Variants in APBA1 observed in about 807,000 individuals in gnomAD.
The protein encoded by APBA1 is amyloid beta precursor protein binding family A member 1.
In APBA1, 55 loss-of-function variants were observed where a neutral mutation model predicts 86.6. The observed-to-expected ratio is 0.64, with a 90% CI of 0.51 to 0.80. The LOEUF (loss-of-function observed/expected upper bound fraction) is 0.80. Ranked by LOEUF, APBA1 falls within the 30% of genes least tolerant of loss-of-function variation. The pLI, the probability that APBA1 is intolerant of heterozygous loss-of-function variation, is 0.00. For missense variants in APBA1, 1,090 were observed against 1,183.0 expected (o/e 0.92, Z 1.15); for synonymous variants, 511 against 493.9 (o/e 1.03, Z -0.46).
At chr9:69,582,681 T>G (rs1821936093) in intron 1 of APBA1, among the ~76,000 whole-genome samples, 1 of 152,182 alleles carries the variant, frequency 6.6e-6, no homozygotes, top group Admixed American at 6.5e-5. Flanking sequence ...GTTCCCATTT[T>G]GGTCCCACTT....
chr9:69,586,027 C>G (rs1213576848), intron 1 of APBA1, among the ~76,000 whole-genome samples: 1 of 152,142 alleles, frequency 6.6e-6, no homozygotes, highest in Non-Finnish European at 1.5e-5. Flanking sequence ...TTGCAATGAC[C>G]AATTGTCTGG....
At chr9:69,533,072 A>G (rs1272896479) in intron 1 of APBA1, among the ~76,000 whole-genome samples, 1 of 152,234 alleles carries the variant, frequency 6.6e-6, no homozygotes, top group African/African-American at 2.4e-5. Context: ...ATAGAATCCT[A>G]TGATACACAA....
At chr9:69,482,374 G>A (rs1419362740) in intron 2 of APBA1, among the ~76,000 whole-genome samples, 1 of 151,672 alleles carries the variant, frequency 6.6e-6, no homozygotes, top group Non-Finnish European at 1.5e-5. Context: ...ATGAAAAAAT[G>A]CTCATCATCA....
intron 1 of APBA1, among the ~76,000 whole-genome samples, chr9:69,643,795 G>A (rs192589888): frequency 2.0e-5 from 3 of 152,304 alleles, no homozygotes; most frequent in East Asian, 1.9e-4. Context: ...ATGGAGCAGA[G>A]AAGAAATGAT....
At chr9:69,434,100 C>T (rs1025743610) in intron 11 of APBA1, among the ~76,000 whole-genome samples, 1 of 152,208 alleles carries the variant, frequency 6.6e-6, no homozygotes, top group African/African-American at 2.4e-5. Context: ...CACTCAAATA[C>T]CAAACTGTTC....
intron 1 of APBA1, among the ~76,000 whole-genome samples, chr9:69,560,092 G>C (rs932777866): frequency 1.3e-5 from 2 of 152,154 alleles, no homozygotes; most frequent in African/African-American, 4.8e-5. Context: ...CCCAGGTTTA[G>C]TCACATCAAC....
In APBA1 at chr9:69,654,100, G is replaced by A. The variant is rs1349393546; in HGVS notation, c.-70+18053C>T. On this transcript the variant is annotated intron_variant, in intron 1 of 12. Transcript: ENST00000265381. Reference sequence around the variant, plus strand: ...GCACTCCAGCCTCGGCAACGAGAGCGAAACTCCATCTCAAAAAAAAAAAAA... The same window carrying A: ...GCACTCCAGCCTCGGCAACGAGAGCAAAACTCCATCTCAAAAAAAAAAAAA... 1.6e-4 allele frequency among the ~76,000 whole-genome samples: 17 copies of A among 105,246 alleles called. No homozygotes were observed. The Admixed American group carries it at 2.1e-3, about 13-fold the overall frequency. The allele number at this position is 105,246 out of a possible 152,430, so 69.0% of individuals were successfully genotyped here.
intron 1 of APBA1, among the ~76,000 whole-genome samples, chr9:69,598,925 A>G (rs114336705): frequency 0.027 from 4,074 of 152,308 alleles, 84 homozygotes; most frequent in African/African-American, 0.05. Flanking sequence ...ACTGCATTTT[A>G]TAACTGTCTC....
At chr9:69,471,280 C>A (rs1349727941) in intron 4 of APBA1, among the ~76,000 whole-genome samples, 1 of 152,146 alleles carries the variant, frequency 6.6e-6, no homozygotes, top group Non-Finnish European at 1.5e-5. Context: ...ACCAAAATTT[C>A]TGCCTTAGTT....
intron 1 of APBA1, among the ~76,000 whole-genome samples, chr9:69,579,987 T>A (rs1821883618): frequency 6.6e-6 from 1 of 152,156 alleles, no homozygotes; most frequent in Non-Finnish European, 1.5e-5. Context: ...ATTTTCCTAC[T>A]TCCTTAAAAA....
intron 12 of APBA1, among the ~76,000 whole-genome samples, chr9:69,431,767 G>C (rs1208359013): frequency 6.6e-6 from 1 of 152,246 alleles, no homozygotes; most frequent in East Asian, 1.9e-4. Context: ...GATGAGGCAA[G>C]GATGACAAAT....
intron 1 of APBA1, among the ~76,000 whole-genome samples, chr9:69,616,655 T>C (rs1822706973): frequency 6.6e-6 from 1 of 152,038 alleles, no homozygotes; most frequent in South Asian, 2.1e-4. Flanking sequence ...TGAAAAACAC[T>C]CCCTCCAAAC....
intron 1 of APBA1, among the ~76,000 whole-genome samples, chr9:69,585,386 A>G (rs896167719): frequency 1.3e-5 from 2 of 152,306 alleles, no homozygotes. Flanking sequence ...TGATAAGAAG[A>G]GACTGAGGCT....
intron 4 of APBA1, among the ~76,000 whole-genome samples, chr9:69,471,413 C>A (rs1466182194): frequency 6.6e-6 from 1 of 152,118 alleles, no homozygotes; most frequent in Non-Finnish European, 1.5e-5. Context: ...GGGTAAAGCC[C>A]ACAGCTTCGA....
At chr9:69,517,429 G>C in intron 1 of APBA1, 150 bp from the exon 2 acceptor site, 2 of 702,608 alleles carry the variant, frequency 2.8e-6, no homozygotes, top group Non-Finnish European at 4.1e-6. Flanking sequence ...CAATCTGACA[G>C]CACATACATA....
At chr9:69,541,655 A>G (rs1273885196) in intron 1 of APBA1, among the ~76,000 whole-genome samples, 1 of 151,808 alleles carries the variant, frequency 6.6e-6, no homozygotes, top group African/African-American at 2.4e-5. Flanking sequence ...AAATTAATGT[A>G]TGTAAAGCAG....
At chr9:69,645,279 T>G (rs866107118) in intron 1 of APBA1, among the ~76,000 whole-genome samples, 20 of 152,204 alleles carry the variant, frequency 1.3e-4, no homozygotes, top group Middle Eastern at 3.2e-3. Context: ...AGGCTGTAAC[T>G]TTGTCCAAGC....
intron 2 of APBA1, among the ~76,000 whole-genome samples, chr9:69,505,233 C>G (rs1175334268): frequency 6.6e-6 from 1 of 152,120 alleles, no homozygotes; most frequent in Non-Finnish European, 1.5e-5. Flanking sequence ...GACAGGCGCA[C>G]AGCCATCTTG....
intron 1 of APBA1, among the ~76,000 whole-genome samples, chr9:69,623,932 T>C (rs1382718124): frequency 6.6e-6 from 1 of 152,212 alleles, no homozygotes; most frequent in Non-Finnish European, 1.5e-5. Flanking sequence ...CTCTCTGACA[T>C]GGATATACAT....
Sources: gnomAD v4.1 joint callset for allele counts (sites outside exome capture counted in the v4.1 genomes callset) on GRCh38, gnomAD v4.1.1 for gene constraint, MANE v1.5 for transcripts, NCBI Gene and HGNC (gene_info 2026-07-23, HGNC 2026-07-21) for gene names.